The following CTNNA3 variants were observed in gnomAD, a reference collection of about 807,000 sequenced individuals.
CTNNA3 encodes the protein catenin alpha 3.
A neutral mutation model predicts 95.7 loss-of-function variants in CTNNA3; 76 were observed. The observed-to-expected ratio is 0.79, with a 90% confidence interval of 0.66 to 0.96. The LOEUF (loss-of-function observed/expected upper bound fraction) is 0.96, where lower values mean the gene tolerates loss of function less well. CTNNA3 is among the 40% of genes least tolerant of loss of function. CTNNA3 has a pLI of 0.00. For synonymous variants in CTNNA3, 431 were observed against 374.4 expected (o/e 1.15, Z -1.74); for missense variants, 1,191 against 1,089.8 (o/e 1.09, Z -1.31).
At chr10:67,332,746 T>C (rs1045244734) in intron 5 of CTNNA3, among the ~76,000 whole-genome samples, 2 of 151,302 alleles carry the variant, frequency 1.3e-5, no homozygotes, top group African/African-American at 2.4e-5. Context: ...TTGGAGTCGA[T>C]TGTCCACTCT....
In CTNNA3 at chr10:66,927,207, C is replaced by A. The variant is rs777020539; in HGVS notation, c.1048-151683G>T. ...GGCTATACCTTGACCATAACCATAT[C>A]AGCAATATTGACGAAAATGCTTTTA... On this transcript the variant is annotated intron_variant, in intron 7 of 17. Transcript: ENST00000433211. The surrounding 1 kb of genome is among the most constrained non-coding windows in gnomAD (Gnocchi z 4.7). The A allele has an allele frequency of 1.2e-5, 20 of 1,614,148 alleles. No individual in the cohort carries two copies. Among genetic ancestry groups the A allele is most frequent in the Non-Finnish European group, 1.6e-5 (19 of 1,180,032 alleles).
At chr10:66,964,262 CA>C (rs1401747116) in intron 7 of CTNNA3, among the ~76,000 whole-genome samples, 2 of 151,436 alleles carry the variant, frequency 1.3e-5, no homozygotes, top group Non-Finnish European at 2.9e-5. Context: ...GAGGATTCTA[CA>C]TTGAAGAGCA....
chr10:67,543,147 T>C (rs758874530), intron 3 of CTNNA3, among the ~76,000 whole-genome samples: 6 of 152,102 alleles, frequency 3.9e-5, no homozygotes, highest in Admixed American at 1.3e-4. Context: ...AACTTCTTTC[T>C]ACTGAGTCCA....
chr10:66,942,482 C>T (rs10822947), intron 7 of CTNNA3, among the ~76,000 whole-genome samples: 90,057 of 151,628 alleles, frequency 0.59, 28,321 homozygotes, highest in Admixed American at 0.69. Flanking sequence ...ATTTCCATTT[C>T]ATAAACATTA....
At chr10:67,691,511 C>T (rs1174255206) in intron 1 of CTNNA3, among the ~76,000 whole-genome samples, 3 of 151,150 alleles carry the variant, frequency 2.0e-5, no homozygotes, top group Non-Finnish European at 3.0e-5. Flanking sequence ...GGCCGCCCAT[C>T]GTCTGAGATG....
At chr10:66,168,554 A>T (rs1402284860) in intron 13 of CTNNA3, among the ~76,000 whole-genome samples, 2 of 150,854 alleles carry the variant, frequency 1.3e-5, no homozygotes, top group Non-Finnish European at 3.0e-5. Context: ...AGATTTTCAC[A>T]TGTTGGACTC....
intron 13 of CTNNA3, among the ~76,000 whole-genome samples, chr10:66,194,527 C>A (rs954731259): frequency 6.6e-6 from 1 of 152,108 alleles, no homozygotes; most frequent in African/African-American, 2.4e-5. Context: ...TTGCAGTGAG[C>A]CGAGATCATG....
At chr10:66,782,580 A>G (rs75644918) in intron 7 of CTNNA3, among the ~76,000 whole-genome samples, 13,742 of 152,166 alleles carry the variant, frequency 0.09, 808 homozygotes, top group Non-Finnish European at 0.13. Flanking sequence ...GACTTTTGTT[A>G]TCTTTTATTT....
At chr10:67,370,621 T>G (rs1196645314) in intron 5 of CTNNA3, among the ~76,000 whole-genome samples, 1 of 152,178 alleles carries the variant, frequency 6.6e-6, no homozygotes, top group African/African-American at 2.4e-5. Context: ...TCATGGTTCC[T>G]TATAACTAAA....
At chr10:67,454,669 G>A (rs1480177737) in intron 5 of CTNNA3, among the ~76,000 whole-genome samples, 1 of 151,968 alleles carries the variant, frequency 6.6e-6, no homozygotes, top group African/African-American at 2.4e-5. Flanking sequence ...GAGTGAATTA[G>A]ATCATTTCTA....
intron 13 of CTNNA3, among the ~76,000 whole-genome samples, chr10:66,152,876 T>C (rs1241828455): frequency 1.3e-5 from 2 of 151,958 alleles, no homozygotes; most frequent in Admixed American, 6.6e-5. Context: ...TTTCAGTAAG[T>C]CATCGTTCAG....
chr10:66,583,019 G>A (rs1306912178), intron 10 of CTNNA3, among the ~76,000 whole-genome samples: 1 of 151,684 alleles, frequency 6.6e-6, no homozygotes, highest in African/African-American at 2.4e-5. Flanking sequence ...TTTTTTTGAT[G>A]CGCTGTTGGA....
chr10:67,230,812 T>C (rs1865157285), intron 5 of CTNNA3, among the ~76,000 whole-genome samples: 1 of 152,162 alleles, frequency 6.6e-6, no homozygotes, highest in Non-Finnish European at 1.5e-5. Context: ...GGTCAGTGTG[T>C]GCACACACCG....
intron 15 of CTNNA3, among the ~76,000 whole-genome samples, chr10:66,064,178 G>C (rs1359383481): frequency 6.6e-6 from 1 of 152,060 alleles, no homozygotes; most frequent in Non-Finnish European, 1.5e-5. Context: ...AAGTGAAGGC[G>C]GAAGAGCCCC....
intron 11 of CTNNA3, among the ~76,000 whole-genome samples, chr10:66,515,607 A>G (rs569985240): frequency 6.6e-6 from 1 of 152,258 alleles, no homozygotes; most frequent in East Asian, 1.9e-4. Context: ...TCATTTATAA[A>G]GAAAAGAGGT....
At chr10:65,968,216 A>G (rs1169506445) in intron 16 of CTNNA3, among the ~76,000 whole-genome samples, 3 of 151,822 alleles carry the variant, frequency 2.0e-5, no homozygotes, top group Non-Finnish European at 2.9e-5. Context: ...ATAGGGAGAC[A>G]CTATCTCTAC....
intron 7 of CTNNA3, among the ~76,000 whole-genome samples, chr10:66,817,543 A>G (rs1212143515): frequency 6.6e-6 from 1 of 152,022 alleles, no homozygotes; most frequent in East Asian, 1.9e-4. Context: ...GAACAACTAC[A>G]TGCCAACAAA....
intron 7 of CTNNA3, among the ~76,000 whole-genome samples, chr10:67,102,205 G>A (rs1049620629): frequency 4.0e-5 from 6 of 151,588 alleles, no homozygotes; most frequent in African/African-American, 7.3e-5. Context: ...ATAGGGAGGC[G>A]CCAAGTACAA....
At chr10:66,967,105 T>C (rs1175379935) in intron 7 of CTNNA3, among the ~76,000 whole-genome samples, 3 of 152,170 alleles carry the variant, frequency 2.0e-5, no homozygotes, top group South Asian at 4.1e-4. Context: ...ATTAGGAACG[T>C]TGATGGTTCT....
Sources: gnomAD v4.1 joint callset for allele counts (sites outside exome capture counted in the v4.1 genomes callset) on GRCh38, gnomAD v4.1.1 for gene constraint, Gnocchi (gnomAD v3.1) non-coding constraint, MANE v1.5 for transcripts, NCBI Gene and HGNC (gene_info 2026-07-23, HGNC 2026-07-21) for gene names.